The following MYO7A variants were observed in gnomAD, a reference collection of about 807,000 sequenced individuals.
The protein encoded by MYO7A is unconventional myosin-VIIa.
Under a neutral mutation model 263.8 loss-of-function variants are expected in MYO7A, and 210 were observed. The observed-to-expected ratio is 0.80, with a 90% CI of 0.71 to 0.89. The LOEUF is 0.89. MYO7A is among the 40% of genes least tolerant of loss of function. MYO7A has a pLI of 0.00. For missense variants in MYO7A, 2,820 were observed against 2,968.3 expected (o/e 0.95, Z 1.16); for synonymous variants, 1,239 against 1,197.3 (o/e 1.03, Z -0.72).
chr11:77,142,713 AC>A lies in MYO7A; in HGVS notation c.25del (p.His9MetfsTer6). 6.2e-7 allele frequency: 1 copy of A among 1,609,104 alleles called. No individual in the cohort carries two copies. Among genetic ancestry groups the A allele is most frequent in the Non-Finnish European group, 8.5e-7 (1 of 1,177,974 alleles). Reference protein sequence around the residue: MVILQQGDHVWMDLRLGQ... With the variant: MVILQQGXHVWMDLRLGQ... ...GAGACTCTCTCTCGCCCATAGGGGG[AC>A]CATGTGTGGATGGACCTGAGATTGG... is the stretch of plus-strand genomic sequence containing the variant. On this transcript the variant is annotated frameshift_variant, in exon 3 of 49. Coordinates refer to ENST00000409709, the MANE Select transcript of MYO7A (RefSeq NM_000260.4). LOFTEE classifies it high-confidence loss of function.
At position 77,177,508 on chromosome 11, in the gene MYO7A, G is replaced by A. The variant is rs1555080649; in HGVS notation, c.2188-41G>A. ...CTGGGACTGAGCAGGTGGTCCTAGA[G>A]GAGACCTTGTGGGGCGCTGCTCAGG... On this transcript the variant is annotated intron_variant, in intron 18 of 48. Transcript: ENST00000409709. The A allele has an allele frequency of 3.3e-6, 5 of 1,513,794 alleles. No individual in the cohort carries two copies. The East Asian group carries it at 1.2e-4, about 36-fold the overall frequency. The allele number at this position is 1,513,794 out of a possible 1,614,324, so 93.8% of individuals were successfully genotyped here. A position where few individuals can be genotyped will look rare whatever the true frequency, so the allele number is the denominator to read the frequency against.
rs190981814 is a variant in MYO7A, at chr11:77,209,124, G to C, written c.6051+321G>C. Reference sequence around the variant, plus strand: ...GTAACTGGGTAATTCCAAGGCCTCTGTGCAAACATTTTCTAGCATAGGCAC... The same window carrying C: ...GTAACTGGGTAATTCCAAGGCCTCTCTGCAAACATTTTCTAGCATAGGCAC... On this transcript the variant is annotated intron_variant, in intron 44 of 48. Coordinates refer to ENST00000409709, the MANE Select transcript of MYO7A (RefSeq NM_000260.4). The C allele has an allele frequency of 1.4e-5, 4 of 291,890 alleles. No homozygotes were observed. The East Asian group carries it at 2.7e-4, about 20-fold the overall frequency. 18.1% of individuals were successfully genotyped at this position (291,890 alleles called of 1,614,324 possible).
chr11:77,212,442 G>A (rs1232729625), intron 46 of MYO7A: 2 of 350,582 alleles, frequency 5.7e-6, no homozygotes, highest in Non-Finnish European at 1.1e-5. Context: ...GCAAGCAGGT[G>A]AGAGGCTGGG....
intron 16 of MYO7A, 31 bp from the exon 17 acceptor site, chr11:77,174,725 G>A (rs782137158): frequency 6.4e-7 from 1 of 1,552,402 alleles, no homozygotes; most frequent in Admixed American, 1.9e-5. Context: ...AGGAGCCTTG[G>A]CCCTGATGCC....
At chr11:77,148,357 G>C (rs1555055320) in intron 4 of MYO7A, among the ~76,000 whole-genome samples, 1 of 152,248 alleles carries the variant, frequency 6.6e-6, no homozygotes. Flanking sequence ...GCCAAGAGAG[G>C]ATGGATAGGG....
chr11:77,162,885 C>T lies in MYO7A; in HGVS notation c.1587C>T (p.Asn529=), dbSNP rs372325609. ...ACACCACCATGTTACACAAGCTGAA[C>T]TCCCAGCACAAGCTCAACGCCAACT... The part of the protein sequence containing the change: ...GTDTTMLHKL[N]SQHKLNANYI... Residue 529 remains asparagine, a synonymous_variant, in exon 14 of 49, where the codon AAC becomes AAT. Transcript: ENST00000409709. 2.8e-5 allele frequency: 45 copies of T among 1,613,818 alleles called. No individual in the cohort carries two copies. The African/African-American group carries it at 5.6e-4, about 20-fold the overall frequency.
intron 11 of MYO7A, 110 bp downstream of exon 11, chr11:77,160,392 C>A (rs1487908235): frequency 7.1e-7 from 1 of 1,412,906 alleles, no homozygotes; most frequent in African/African-American, 1.4e-5. Flanking sequence ...TGGGTCGCCA[C>A]CCCTGCCTGC....
chr11:77,212,264 C>G (rs1254917993), intron 46 of MYO7A: 2 of 477,318 alleles, frequency 4.2e-6, no homozygotes, highest in Non-Finnish European at 8.2e-6. Flanking sequence ...GTGAGAAGGC[C>G]TCTTAGAGGA....
intron 9 of MYO7A, among the ~76,000 whole-genome samples, chr11:77,159,200 A>G (rs1952759197): frequency 1.3e-5 from 2 of 152,196 alleles, no homozygotes; most frequent in South Asian, 4.1e-4. Flanking sequence ...TATTCCTCGA[A>G]TGCCAGGCAT....
chr11:77,151,798 C>A (rs1951990079), intron 4 of MYO7A, among the ~76,000 whole-genome samples: 1 of 152,250 alleles, frequency 6.6e-6, no homozygotes, highest in Non-Finnish European at 1.5e-5. Context: ...AGGGCCAGGG[C>A]CTCATTGCCA....
In MYO7A at chr11:77,179,085, C is replaced by T. The variant is rs201892914; in HGVS notation, c.2323C>T (p.Gln775Ter). The change falls in exon 20 of 49, where the codon CAG (glutamine) becomes TAG (stop). Residue 775 changes from glutamine (Q) to a stop codon, truncating the protein, a stop_gained. Transcript: ENST00000409709. LOFTEE classifies it high-confidence loss of function. ...GCTGAAGAACGCTGCCACACTGATC[C>T]AGAGGCACTGGCGGGGTCACAACTG... ...LKLKNAATLIQRHWRGHNCRK... is the reference protein window; with the variant it reads ...LKLKNAATLI The T allele has an allele frequency of 4.3e-6, 7 of 1,609,440 alleles. No individual in the cohort carries two copies. Among genetic ancestry groups the T allele is most frequent in the Non-Finnish European group, 5.9e-6 (7 of 1,178,580 alleles).
chr11:77,148,901 A>G (rs1555055661), intron 4 of MYO7A, among the ~76,000 whole-genome samples: 2 of 152,200 alleles, frequency 1.3e-5, no homozygotes, highest in African/African-American at 4.8e-5. Context: ...CTGGATTCTC[A>G]TCTCTGCTTC....
intron 4 of MYO7A, among the ~76,000 whole-genome samples, chr11:77,149,744 G>A (rs1162923444): frequency 6.6e-6 from 1 of 152,148 alleles, no homozygotes; most frequent in Non-Finnish European, 1.5e-5. Flanking sequence ...CATAGGAAGT[G>A]GCTTTCGCAG....
chr11:77,194,022 T>C (rs1956447212), intron 31 of MYO7A: 2 of 532,872 alleles, frequency 3.8e-6, no homozygotes, highest in Non-Finnish European at 7.2e-6. Flanking sequence ...CTCTGGTCGC[T>C]GTCTCACAGG....
chr11:77,178,049 T>C (rs1954790696), intron 19 of MYO7A, among the ~76,000 whole-genome samples: 1 of 151,814 alleles, frequency 6.6e-6, no homozygotes, highest in Non-Finnish European at 1.5e-5. Flanking sequence ...AATTCACAAA[T>C]GTGCAGGACT....
chr11:77,180,502 C>A (rs781970119), intron 22 of MYO7A, 21 bp downstream of exon 22: 1 of 1,600,124 alleles, frequency 6.2e-7, no homozygotes, highest in Non-Finnish European at 8.5e-7. Context: ...AGCCTCCAGG[C>A]ACCTTAGGTG....
Position 77,181,990 on chromosome 11 carries a change from C to A in MYO7A, c.2944C>A (p.Leu982Met). Reference sequence around the variant, plus strand: ...GCGGAGGGAGATGGTGGAGGAGGACCTGGATGCAGCCCTGCCCCTGCCTGA... The same window carrying A: ...GCGGAGGGAGATGGTGGAGGAGGACATGGATGCAGCCCTGCCCCTGCCTGA... ...RGRREMVEED[L>M]DAALPLPDED... The change falls in exon 24 of 49, where the codon CTG becomes ATG. Residue 982 changes from leucine to methionine, a missense_variant. Physicochemically the swap from Leu to Met is conservative, Grantham distance 15. Coordinates refer to ENST00000409709, the MANE Select transcript of MYO7A (RefSeq NM_000260.4). The A allele has an allele frequency of 6.2e-7, 1 of 1,613,248 alleles. No individual in the cohort carries two copies. Among genetic ancestry groups the A allele is most frequent in the African/African-American group, 1.3e-5 (1 of 74,956 alleles).
chr11:77,204,052 A>G (rs1220452194), intron 38 of MYO7A, 24 bp from the exon 39 acceptor site: 2 of 1,583,846 alleles, frequency 1.3e-6, no homozygotes, highest in Non-Finnish European at 1.7e-6. Context: ...TATTCGGCAC[A>G]AGCCCTTCCT....
At chr11:77,156,123 G>A in intron 5 of MYO7A, 32 bp downstream of exon 5, 1 of 1,608,040 alleles carries the variant, frequency 6.2e-7, no homozygotes, top group Non-Finnish European at 8.5e-7. Context: ...TGGAGCTCCA[G>A]GCTTAGGACC....
Sources: allele counts gnomAD v4.1 joint callset (sites outside exome capture counted in the v4.1 genomes callset), GRCh38; gene constraint gnomAD v4.1.1; transcripts MANE v1.5; gene names NCBI Gene and HGNC (gene_info 2026-07-23, HGNC 2026-07-21).